Variants in MYH11 observed in about 807,000 individuals in gnomAD.
MYH11 encodes the protein myosin-11.
Under a neutral mutation model 246.6 loss-of-function variants are expected in MYH11, and 80 were observed. The observed-to-expected ratio is 0.32, with a 90% CI of 0.27 to 0.39. The LOEUF (loss-of-function observed/expected upper bound fraction) is 0.39, where lower values mean the gene tolerates loss of function less well. MYH11 is among the 10% of genes least tolerant of loss of function. The pLI, the probability that MYH11 is intolerant of heterozygous loss-of-function variation, is 1.00. For missense variants in MYH11, 2,158 were observed against 2,546.8 expected (o/e 0.85, Z 3.29); for synonymous variants, 1,071 against 1,015.5 (o/e 1.05, Z -1.04).
rs374264036 is a variant in MYH11, at chr16:15,745,161, G to A, written c.2488C>T (p.Arg830Trp). 1.2e-6 allele frequency: 2 copies of A among 1,614,172 alleles called. No individual in the cohort carries two copies. The highest frequency in any genetic ancestry group is 1.7e-6 in the Non-Finnish European group (2 of 1,180,034). Residue 830 changes from arginine to tryptophan, a missense_variant, in exon 20 of 41, where the codon CGG (arginine) becomes TGG (tryptophan). Coordinates refer to ENST00000300036, the MANE Select transcript of MYH11 (RefSeq NM_002474.3). ...QRNCAAYLKL[R>W]NWQWWRLFTK... is the part of the protein sequence containing the mutation. The stretch of plus-strand genomic sequence containing the variant: ...AAAAGCCTCCACCACTGCCAGTTCC[G>A]CAGCTTGAGGTAGGCGGCGCAGTTC...
chr16:15,743,458 C>G (rs2041331941), intron 20 of MYH11, among the ~76,000 whole-genome samples: 1 of 152,158 alleles, frequency 6.6e-6, no homozygotes. Flanking sequence ...CATGAGCCAC[C>G]ACACCTGGCT....
At chr16:15,772,376 G>C (rs2042124348) in intron 8 of MYH11, among the ~76,000 whole-genome samples, 1 of 152,034 alleles carries the variant, frequency 6.6e-6, no homozygotes, top group Non-Finnish European at 1.5e-5. Context: ...ACAGACGTGA[G>C]CCACCGCACC....
chr16:15,789,009 TG>T (rs1192557699), intron 4 of MYH11, among the ~76,000 whole-genome samples: 5 of 151,988 alleles, frequency 3.3e-5, no homozygotes, highest in African/African-American at 9.7e-5. Flanking sequence ...CGTTTGTCAT[TG>T]GGGGGATATA....
intron 40 of MYH11, among the ~76,000 whole-genome samples, chr16:15,705,374 T>C (rs2039390598): frequency 6.6e-6 from 1 of 152,154 alleles, no homozygotes; most frequent in South Asian, 2.1e-4. Context: ...CTTGAGTTTA[T>C]CACCTCGACT....
intron 2 of MYH11, among the ~76,000 whole-genome samples, chr16:15,833,937 G>A (rs958233472): frequency 7.9e-5 from 12 of 152,278 alleles, no homozygotes; most frequent in South Asian, 2.1e-4. Context: ...AGAGAAGAGC[G>A]GGACCATCAT....
chr16:15,764,855 G>A (rs1299682073), intron 9 of MYH11, among the ~76,000 whole-genome samples: 2 of 152,204 alleles, frequency 1.3e-5, no homozygotes, highest in Non-Finnish European at 2.9e-5. Flanking sequence ...ACTCTTCTGG[G>A]TGTAACAGAT....
At position 15,747,585 on chromosome 16, in the gene MYH11, C is replaced by T; in HGVS notation, c.2396G>A (p.Gly799Asp). Residue 799 changes from glycine (G) to aspartate (D), a missense_variant, in exon 19 of 41, where the codon GGC becomes GAC. By Grantham distance (94) the Gly-to-Asp change is moderately conservative. Around this residue, in one of 11 missense-constraint regions of MYH11, gnomAD observed 90 missense variants for 144.2 expected, o/e 0.62. Coordinates refer to ENST00000300036, the MANE Select transcript of MYH11 (RefSeq NM_002474.3). Reference protein sequence around the residue: ...VIMAFQAMCRGYLARKAFAKR... With the variant: ...VIMAFQAMCRDYLARKAFAKR... ...GCATCTTTACTTTCTGGCCAAGTAGCCACGACACATCGCCTGGAAGGCCAT... is the reference window on the plus strand; with the variant it reads ...GCATCTTTACTTTCTGGCCAAGTAGTCACGACACATCGCCTGGAAGGCCAT... 6.2e-7 allele frequency: 1 copy of T among 1,614,100 alleles called. No homozygotes were observed. Among genetic ancestry groups the T allele is most frequent in the Non-Finnish European group, 8.5e-7 (1 of 1,180,012 alleles).
intron 1 of MYH11, among the ~76,000 whole-genome samples, chr16:15,840,829 A>G (rs932333721): frequency 3.9e-5 from 6 of 152,042 alleles, no homozygotes; most frequent in Non-Finnish European, 8.8e-5. Context: ...AGTTGAAAAA[A>G]CTCACTCAAG....
chr16:15,787,952 A>C (rs1371828013), intron 4 of MYH11, among the ~76,000 whole-genome samples: 1 of 152,130 alleles, frequency 6.6e-6, no homozygotes, highest in Non-Finnish European at 1.5e-5. Context: ...ATCTCAGCCA[A>C]GTATCTAAGA....
chr16:15,762,418 A>T (rs887061326), intron 10 of MYH11, among the ~76,000 whole-genome samples: 1 of 152,204 alleles, frequency 6.6e-6, no homozygotes, highest in African/African-American at 2.4e-5. Context: ...TGGAGGCTAC[A>T]AGAGTCTGAC....
At chr16:15,819,860 GTA>G (rs975810106) in intron 3 of MYH11, among the ~76,000 whole-genome samples, 13 of 152,048 alleles carry the variant, frequency 8.5e-5, no homozygotes, top group African/African-American at 3.1e-4. Context: ...CAACACAAAA[GTA>G]TTCTTCAATG....
At chr16:15,733,394 C>T (rs139760795) in intron 26 of MYH11, among the ~76,000 whole-genome samples, 164 of 152,150 alleles carry the variant, frequency 1.1e-3, no homozygotes, top group African/African-American at 3.8e-3. Context: ...CCACCACGCC[C>T]GGCTAATTTT....
chr16:15,741,124 A>C lies in MYH11; in HGVS notation c.2859+339T>G, dbSNP rs148483866. 1.1e-3 allele frequency: 489 copies of C among 435,344 alleles called. 4 individuals are homozygous for C. The highest frequency in any genetic ancestry group is 8.6e-3 in the African/African-American group (431 of 49,960). The allele number at this position is 435,344 out of a possible 1,614,324, so 27.0% of individuals were successfully genotyped here. On this transcript the variant is annotated intron_variant, in intron 22 of 40. Coordinates refer to ENST00000300036, the MANE Select transcript of MYH11 (RefSeq NM_002474.3). Reference sequence around the variant, plus strand: ...AGAACCACTCACCTAAGCCACTCTCAAATTCCTGACTATGCAATACTTTTT... The same window carrying C: ...AGAACCACTCACCTAAGCCACTCTCCAATTCCTGACTATGCAATACTTTTT...
rs1378205046 is a variant in MYH11, at chr16:15,741,956, T to A, written c.2521-65A>T. On this transcript the variant is annotated intron_variant, in intron 20 of 40. Coordinates refer to ENST00000300036, the MANE Select transcript of MYH11 (RefSeq NM_002474.3). Reference sequence around the variant, plus strand: ...AAAGGGATATGTTGTCATAATAAATTCGATCAGTGGTTCCGAGCCAGGGAC... The same window carrying A: ...AAAGGGATATGTTGTCATAATAAATACGATCAGTGGTTCCGAGCCAGGGAC... 6.9e-6 allele frequency: 11 copies of A among 1,603,406 alleles called. No individual in the cohort carries two copies. In the African/African-American group the frequency reaches 1.5e-4, roughly 21 times the overall value.
chr16:15,749,534 T>A (rs892496555), intron 16 of MYH11: 1 of 153,784 alleles, frequency 6.5e-6, no homozygotes, highest in Non-Finnish European at 1.4e-5. Flanking sequence ...GGTGTTCTCC[T>A]AACTGACCAC....
chr16:15,763,741 T>TGCCCC, intron 10 of MYH11, 55 bp downstream of exon 10: 1 of 646,858 alleles, frequency 1.5e-6, no homozygotes, highest in Non-Finnish European at 2.9e-6. Flanking sequence ...AAATGTCACC[T>TGCCCC]CCCCCACCCC....
chr16:15,839,673 G>A (rs1237392549), intron 1 of MYH11, among the ~76,000 whole-genome samples: 1 of 151,060 alleles, frequency 6.6e-6, no homozygotes, highest in African/African-American at 2.4e-5. Context: ...CAGCCTCGGC[G>A]ACAGAGCGAG....
At chr16:15,749,761 G>A (rs749592064) in intron 16 of MYH11, 1 of 351,312 alleles carries the variant, frequency 2.8e-6, no homozygotes, top group Admixed American at 4.2e-5. Flanking sequence ...TGTCCATATA[G>A]AGGACACAAT....
intron 6 of MYH11, among the ~76,000 whole-genome samples, chr16:15,781,809 G>A (rs1238051975): frequency 6.6e-6 from 1 of 152,116 alleles, no homozygotes; most frequent in Non-Finnish European, 1.5e-5. Context: ...GACTCGCTGA[G>A]TGCCTGGTAT....
Sources: gnomAD v4.1 joint callset for allele counts (sites outside exome capture counted in the v4.1 genomes callset) on GRCh38, gnomAD v4.1.1 for gene constraint, gnomAD v4.1.1 regional missense constraint, MANE v1.5 for transcripts, NCBI Gene and HGNC (gene_info 2026-07-23, HGNC 2026-07-21) for gene names.